The following PRH1 variants were observed in gnomAD, a reference collection of about 807,000 sequenced individuals.
The protein encoded by PRH1 is salivary acidic proline-rich phosphoprotein 1/2.
A neutral mutation model predicts 7.9 loss-of-function variants in PRH1; 7 were observed. The ratio of observed to expected loss-of-function variants is 0.89; its 90% CI spans 0.50 to 1.67. The LOEUF is 1.67. Among genes scored for constraint, PRH1 ranks in the 40% most tolerant of loss-of-function variants. The pLI is 0.00. For missense variants in PRH1, 109 were observed against 223.6 expected (o/e 0.49, Z 3.27); for synonymous variants, 45 against 80.8 (o/e 0.56, Z 2.38).
At chr12:11,050,639 A>G (rs575362755), upstream of PRH1, among the ~76,000 whole-genome samples, 4 of 30,566 alleles carry the variant, frequency 1.3e-4, no homozygotes, top group Non-Finnish European at 3.7e-4. Flanking sequence ...AATATTAATT[A>G]TTTAATTAAA....
chr12:11,147,786 A>C (rs879190415), intron 1 of PRH1, among the ~76,000 whole-genome samples: 3 of 152,230 alleles, frequency 2.0e-5, no homozygotes, highest in Admixed American at 1.3e-4. Flanking sequence ...TATTTAAGAT[A>C]TCAGTGAACT....
At chr12:10,946,615 GT>G (rs1365864748) in intron 2 of PRH1, among the ~76,000 whole-genome samples, 1 of 152,060 alleles carries the variant, frequency 6.6e-6, no homozygotes, top group Admixed American at 6.5e-5. Context: ...CTTTTGAATG[GT>G]TTTTTGTGTC....
At chr12:11,067,258 A>G (rs899291892) in intron 1 of PRH1, among the ~76,000 whole-genome samples, 5 of 152,196 alleles carry the variant, frequency 3.3e-5, no homozygotes, top group Non-Finnish European at 7.4e-5. Flanking sequence ...TTTACCCAAC[A>G]CACAGGTGTA....
intron 1 of PRH1, among the ~76,000 whole-genome samples, chr12:11,156,885 A>C (rs1222805440): frequency 6.8e-6 from 1 of 146,018 alleles, no homozygotes; most frequent in Non-Finnish European, 1.5e-5. Context: ...TTGCTCTGTC[A>C]CCCAGGCTGG....
intron 1 of PRH1, chr12:10,985,952 G>A: frequency 6.3e-7 from 1 of 1,596,452 alleles, no homozygotes; most frequent in Non-Finnish European, 8.5e-7. Context: ...AGAGTTTCAG[G>A]TCTTTTACTC....
intron 1 of PRH1, among the ~76,000 whole-genome samples, chr12:11,099,091 G>A (rs559929104): frequency 7.9e-5 from 12 of 152,082 alleles, no homozygotes; most frequent in Non-Finnish European, 1.8e-4. Context: ...CTGAGTACCC[G>A]ACCCTTTGGT....
chr12:10,969,307 T>A (rs1938674775), intron 2 of PRH1, among the ~76,000 whole-genome samples: 1 of 151,852 alleles, frequency 6.6e-6, no homozygotes, highest in Non-Finnish European at 1.5e-5. Flanking sequence ...TCACTACCGG[T>A]GGAGCCTGGG....
chr12:10,906,685 C>T (rs1591665267), intron 2 of PRH1, among the ~76,000 whole-genome samples: 2 of 152,158 alleles, frequency 1.3e-5, no homozygotes, highest in African/African-American at 4.8e-5. Flanking sequence ...TTTCGCTTGG[C>T]TGTCATTCTC....
At chr12:11,071,736 T>C (rs1393879886) in intron 1 of PRH1, among the ~76,000 whole-genome samples, 1 of 152,134 alleles carries the variant, frequency 6.6e-6, no homozygotes. Context: ...GTGGCCCGGA[T>C]GCTCGGCTGG....
intron 1 of PRH1, among the ~76,000 whole-genome samples, chr12:11,123,051 C>T (rs898384139): frequency 1.8e-4 from 26 of 143,162 alleles, no homozygotes; most frequent in African/African-American, 5.8e-4. Context: ...TCAATAGCTT[C>T]GTTTGGTCTG....
At chr12:10,946,451 G>C (rs542161073) in intron 2 of PRH1, among the ~76,000 whole-genome samples, 16 of 152,270 alleles carry the variant, frequency 1.1e-4, no homozygotes, top group African/African-American at 3.8e-4. Context: ...CAGTGGTTCT[G>C]ATGGCTGTTT....
intron 2 of PRH1, among the ~76,000 whole-genome samples, chr12:10,928,769 A>C (rs1279304482): frequency 6.6e-6 from 1 of 152,218 alleles, no homozygotes; most frequent in Non-Finnish European, 1.5e-5. Context: ...ACAAATATCC[A>C]TGCACACACA....
chr12:11,059,707 T>C (rs1286319771), intron 1 of PRH1, among the ~76,000 whole-genome samples: 2 of 139,106 alleles, frequency 1.4e-5, no homozygotes, highest in African/African-American at 2.5e-5. Context: ...CCTAAAATTG[T>C]GGAATAGCCA....
chr12:11,006,396 A>T (rs1940836315), intron 1 of PRH1: 1 of 137,498 alleles, frequency 7.3e-6, no homozygotes. Context: ...TTTTTCTGAG[A>T]CAGGCTCTTG....
At chr12:11,035,892 G>C (rs1942414758) in intron 1 of PRH1, among the ~76,000 whole-genome samples, 1 of 152,022 alleles carries the variant, frequency 6.6e-6, no homozygotes, top group South Asian at 2.1e-4. Context: ...CGCTGTTTTT[G>C]CTTTGTTTTG....
chr12:11,123,450 T>C (rs2597935), intron 1 of PRH1, among the ~76,000 whole-genome samples: 68,028 of 151,068 alleles, frequency 0.45, 15,851 homozygotes, highest in Non-Finnish European at 0.52. Context: ...CTCCAGTCTC[T>C]TTATTGCTAT....
chr12:11,068,265 T>C (rs1451463438), intron 1 of PRH1, among the ~76,000 whole-genome samples: 1 of 152,196 alleles, frequency 6.6e-6, no homozygotes, highest in Non-Finnish European at 1.5e-5. Context: ...CACTGTAGAG[T>C]TTTATCACCA....
chr12:11,019,757 TTTTG>T (rs1448021941), intron 1 of PRH1, among the ~76,000 whole-genome samples: 1 of 152,292 alleles, frequency 6.6e-6, no homozygotes, highest in Non-Finnish European at 1.5e-5. Context: ...AGTTTACTTC[TTTTG>T]TATCAGCAAA....
chr12:10,950,156 A>T (rs1226372444), intron 2 of PRH1, among the ~76,000 whole-genome samples: 1 of 152,122 alleles, frequency 6.6e-6, no homozygotes, highest in Non-Finnish European at 1.5e-5. Context: ...TCATTTTATC[A>T]CTGATGGACA....
Sources: gnomAD v4.1 joint callset for allele counts (sites outside exome capture counted in the v4.1 genomes callset) on GRCh38, gnomAD v4.1.1 for gene constraint, MANE v1.5 for transcripts, NCBI Gene and HGNC (gene_info 2026-07-23, HGNC 2026-07-21) for gene names.